Variants in TEAD4 observed in about 807,000 individuals in gnomAD.
TEAD4 encodes the protein transcriptional enhancer factor TEF-3.
In TEAD4, 36 loss-of-function variants were observed where a neutral mutation model predicts 52.4. The ratio of observed to expected loss-of-function variants is 0.69; its 90% CI spans 0.53 to 0.91. The LOEUF (loss-of-function observed/expected upper bound fraction) is 0.91, where lower values mean the gene tolerates loss of function less well. TEAD4 is among the 40% of genes least tolerant of loss of function. The probability of loss-of-function intolerance (pLI) is 0.00; values close to 1 mark genes in which losing one functional copy is unlikely to be tolerated. For missense variants in TEAD4, 508 were observed against 583.9 expected (o/e 0.87, Z 1.34); for synonymous variants, 220 against 231.0 (o/e 0.95, Z 0.43).
intron 3 of TEAD4, among the ~76,000 whole-genome samples, chr12:3,005,451 G>A (rs556259319): frequency 7.9e-5 from 12 of 152,092 alleles, no homozygotes; most frequent in South Asian, 2.1e-4. Context: ...GTGCTACCAC[G>A]CCTGGCTAAT....
intron 2 of TEAD4, 161 bp downstream of exon 2, chr12:2,960,201 G>A (rs1591547072): frequency 6.6e-6 from 5 of 756,282 alleles, no homozygotes; most frequent in Non-Finnish European, 6.5e-6. Flanking sequence ...GGGCGGGTAA[G>A]GGGGGTGGAC....
At chr12:2,961,827 C>A (rs1005963963) in intron 2 of TEAD4, among the ~76,000 whole-genome samples, 1 of 152,000 alleles carries the variant, frequency 6.6e-6, no homozygotes, top group Non-Finnish European at 1.5e-5. Context: ...CTCTGAGCAC[C>A]ATTTGAGAAA....
intron 2 of TEAD4, among the ~76,000 whole-genome samples, chr12:2,981,004 A>G (rs1591562016): frequency 6.6e-6 from 1 of 152,124 alleles, no homozygotes; most frequent in Non-Finnish European, 1.5e-5. Context: ...CAGCATCTTC[A>G]CCTGCCAAAT....
At chr12:2,995,128 T>A in intron 3 of TEAD4, 136 bp downstream of exon 3, 1 of 997,428 alleles carries the variant, frequency 1.0e-6, no homozygotes, top group Non-Finnish European at 1.4e-6. Flanking sequence ...CTTTCTTCCC[T>A]CCTGGGCTCC....
intron 4 of TEAD4, among the ~76,000 whole-genome samples, chr12:3,011,404 G>A (rs2098260246): frequency 1.3e-5 from 2 of 151,838 alleles, no homozygotes; most frequent in African/African-American, 2.4e-5. Context: ...CTAATTTTTT[G>A]TATTTTTAGT....
intron 2 of TEAD4, among the ~76,000 whole-genome samples, chr12:2,986,593 C>G (rs1263564289): frequency 2.0e-5 from 3 of 151,266 alleles, no homozygotes; most frequent in African/African-American, 7.3e-5. Context: ...TGAGCTGATA[C>G]TGCACCACTG....
intron 3 of TEAD4, among the ~76,000 whole-genome samples, chr12:3,004,258 G>T (rs1218487891): frequency 2.6e-5 from 4 of 152,126 alleles, no homozygotes. Flanking sequence ...AGCCCTGTCG[G>T]GGGAGCATAT....
intron 2 of TEAD4, among the ~76,000 whole-genome samples, chr12:2,969,621 C>T (rs1480056671): frequency 1.3e-5 from 2 of 152,164 alleles, no homozygotes; most frequent in South Asian, 2.1e-4. Flanking sequence ...TGAAACACTT[C>T]GGGATTCCTG....
chr12:2,990,192 T>C (rs2098241896), intron 2 of TEAD4, among the ~76,000 whole-genome samples: 1 of 152,194 alleles, frequency 6.6e-6, no homozygotes, highest in Non-Finnish European at 1.5e-5. Flanking sequence ...ATGTTTGATG[T>C]AGTTCTTTTT....
intron 2 of TEAD4, among the ~76,000 whole-genome samples, chr12:2,993,087 T>C (rs1204057378): frequency 1.3e-5 from 2 of 152,190 alleles, no homozygotes; most frequent in African/African-American, 2.4e-5. Flanking sequence ...ATATTGTATA[T>C]GCGTTTTTAA....
chr12:3,027,466 T>C (rs2098272737), intron 10 of TEAD4, among the ~76,000 whole-genome samples: 1 of 152,322 alleles, frequency 6.6e-6, no homozygotes, highest in African/African-American at 2.4e-5. Context: ...GCACAGTGGC[T>C]CACATCTTAA....
chr12:3,034,016 C>G (rs2098277685), intron 10 of TEAD4, among the ~76,000 whole-genome samples: 1 of 151,468 alleles, frequency 6.6e-6, no homozygotes, highest in Non-Finnish European at 1.5e-5. Flanking sequence ...AACATGAGTT[C>G]TGGGGCTGAT....
At chr12:3,023,686 G>A (rs2098270193) in intron 10 of TEAD4, among the ~76,000 whole-genome samples, 1 of 151,042 alleles carries the variant, frequency 6.6e-6, no homozygotes, top group African/African-American at 2.4e-5. Context: ...AGCTACTCAA[G>A]AGGCTGAGGC....
chr12:3,018,642 C>G lies in TEAD4; in HGVS notation c.527+54C>G. The G allele has an allele frequency of 4.3e-6, 7 of 1,610,904 alleles. No individual in the cohort carries two copies. In the South Asian group the frequency reaches 7.7e-5, roughly 18 times the overall value. On this transcript the variant is annotated intron_variant, in intron 7 of 12. Transcript: ENST00000359864. ...AGTTGCTCCCTGAACTGAACTTGAA[C>G]CCATAAACTCATGGCATTAAGCCTG...
intron 2 of TEAD4, among the ~76,000 whole-genome samples, chr12:2,993,193 C>A (rs1035375094): frequency 3.3e-5 from 5 of 152,206 alleles, no homozygotes; most frequent in African/African-American, 1.2e-4. Context: ...CACAATGCTG[C>A]GCAGCAGGTC....
At chr12:2,985,394 A>G (rs2098237379) in intron 2 of TEAD4, among the ~76,000 whole-genome samples, 1 of 149,806 alleles carries the variant, frequency 6.7e-6, no homozygotes, top group Non-Finnish European at 1.5e-5. Flanking sequence ...CAAAAAAAAC[A>G]AAAAACAAAA....
intron 8 of TEAD4, among the ~76,000 whole-genome samples, chr12:3,020,097 C>T (rs1389121372): frequency 2.6e-5 from 4 of 152,158 alleles, no homozygotes; most frequent in Admixed American, 6.5e-5. Context: ...CTTCAGGACA[C>T]GATCTAAACT....
intron 9 of TEAD4, among the ~76,000 whole-genome samples, chr12:3,021,171 A>G (rs1428840068): frequency 2.6e-5 from 4 of 152,040 alleles, no homozygotes; most frequent in East Asian, 1.9e-4. Flanking sequence ...TCCATATCCT[A>G]TGGGATACCA....
rs564880915 is a variant in TEAD4, at chr12:2,997,050, G to A, written c.226+2058G>A. The stretch of plus-strand genomic sequence containing the variant: ...CTCTCCTATAAATGTCTGGAGGGTA[G>A]GTAGTCCAGGGAAGGTGTGGCAGCT... On this transcript the variant is annotated intron_variant, in intron 3 of 12. Transcript: ENST00000359864. Among the ~76,000 whole-genome samples, 271 of 152,330 alleles carry A rather than the reference G, an allele frequency of 1.8e-3. 2 individuals are homozygous for A. Among genetic ancestry groups the A allele is most frequent in the Middle Eastern group, 6.8e-3 (2 of 294 alleles).
Sources: allele counts gnomAD v4.1 joint callset (sites outside exome capture counted in the v4.1 genomes callset), GRCh38; gene constraint gnomAD v4.1.1; transcripts MANE v1.5; gene names NCBI Gene and HGNC (gene_info 2026-07-23, HGNC 2026-07-21).